LMBRD1: variants seen among roughly 807,000 people sequenced by gnomAD.
The protein encoded by LMBRD1 is lysosomal cobalamin transport escort protein LMBD1.
LMBRD1 carries 64 observed loss-of-function variants against 74.8 expected under a neutral mutation model. The observed-to-expected ratio is 0.86, with a 90% confidence interval of 0.70 to 1.05. LMBRD1 has a LOEUF of 1.05. Ranked by LOEUF, LMBRD1 falls within the 50% of genes least tolerant of loss-of-function variation. The pLI is 0.00. For missense variants in LMBRD1, 652 were observed against 645.9 expected (o/e 1.01, Z -0.10); for synonymous variants, 204 against 216.3 (o/e 0.94, Z 0.50).
rs1562121877 is a variant in LMBRD1, at chr6:69,775,024, AGGG to A, written c.307+5467_307+5469del. Among the ~76,000 whole-genome samples the A allele has an allele frequency of 1.1e-3, 119 of 107,868 alleles. 12 individuals carry two copies. The highest frequency in any genetic ancestry group is 1.5e-3 in the African/African-American group (46 of 30,204). The allele number at this position is 107,868 out of a possible 152,430, so 70.8% of individuals were successfully genotyped here. A position where few individuals can be genotyped will look rare whatever the true frequency, so the allele number is the denominator to read the frequency against. ...GAGGGAGGGAGGGAGGGAGGGAGGG[AGGG>A]AGGGAGGGAAGGAAGGAAAAGATGA... On this transcript the variant is annotated intron_variant, in intron 3 of 15. Transcript: ENST00000649934.
chr6:69,756,746 A>C (rs1443288185), intron 3 of LMBRD1, among the ~76,000 whole-genome samples: 1 of 152,224 alleles, frequency 6.6e-6, no homozygotes, highest in African/African-American at 2.4e-5. Context: ...CATTTGCCTA[A>C]GTGACCAGCT....
chr6:69,774,454 T>C (rs1765644207), intron 3 of LMBRD1, among the ~76,000 whole-genome samples: 1 of 152,198 alleles, frequency 6.6e-6, no homozygotes, highest in Admixed American at 6.5e-5. Context: ...AATTCCTGCT[T>C]AGGGTTTGGG....
At chr6:69,748,200 A>G (rs1000513789) in intron 5 of LMBRD1, among the ~76,000 whole-genome samples, 5 of 152,234 alleles carry the variant, frequency 3.3e-5, no homozygotes, top group African/African-American at 4.8e-5. Context: ...AAGACCATAC[A>G]GACAATAAAT....
chr6:69,730,994 C>T (rs909605592), intron 7 of LMBRD1, among the ~76,000 whole-genome samples: 13 of 152,082 alleles, frequency 8.5e-5, no homozygotes, highest in Non-Finnish European at 1.8e-4. Context: ...ATAGAACACA[C>T]AAGAAAAGCT....
intron 7 of LMBRD1, among the ~76,000 whole-genome samples, chr6:69,728,466 T>C (rs1264686115): frequency 6.6e-6 from 1 of 152,228 alleles, no homozygotes; most frequent in African/African-American, 2.4e-5. Context: ...TATGCAGGTA[T>C]GTTTCCCTGT....
rs1190963147 is a variant in LMBRD1 at position 69,713,787 on chromosome 6, C to A, written c.773G>T (p.Gly258Val). The A allele has an allele frequency of 1.2e-6, 2 of 1,613,490 alleles. No homozygotes were observed. The highest frequency in any genetic ancestry group is 2.2e-5 in the East Asian group (1 of 44,850). ...TTTATCCCTTGCTGGCAAAGGTCGA[C>A]CATCTTTGCTCTGCAAATAACAGAA... The part of the protein sequence containing the change: ...IQTIKSKSKD[G>V]RPLPARDKRA... The change falls in exon 9 of 16, where the codon GGT becomes GTT. Residue 258 changes from glycine (G) to valine (V), a missense_variant. Transcript: ENST00000649934.
At chr6:69,691,483 G>T (rs1183748397) in intron 14 of LMBRD1, among the ~76,000 whole-genome samples, 2 of 152,068 alleles carry the variant, frequency 1.3e-5, no homozygotes, top group African/African-American at 2.4e-5. Context: ...AAAATGAGGG[G>T]ATTCTTTAAC....
intron 3 of LMBRD1, among the ~76,000 whole-genome samples, chr6:69,758,333 T>C (rs566030636): frequency 3.5e-4 from 53 of 152,246 alleles, no homozygotes; most frequent in African/African-American, 1.2e-3. Flanking sequence ...TATAAAGATA[T>C]TCTGGGAATT....
chr6:69,786,425 A>T (rs1562126582), intron 2 of LMBRD1, among the ~76,000 whole-genome samples: 2 of 151,828 alleles, frequency 1.3e-5, no homozygotes, highest in African/African-American at 2.4e-5. Context: ...ATATTAACTA[A>T]TTTTTTTATT....
chr6:69,787,668 C>T (rs1243244787), intron 2 of LMBRD1, among the ~76,000 whole-genome samples: 1 of 152,010 alleles, frequency 6.6e-6, no homozygotes, highest in Non-Finnish European at 1.5e-5. Context: ...ATCGCTTGAA[C>T]CCAGGAGGCG....
At position 69,788,239 on chromosome 6, in the gene LMBRD1, A is replaced by G. The variant is rs147193291; in HGVS notation, c.246+2057T>C. Among the ~76,000 whole-genome samples, 726 of 152,262 alleles carry G rather than the reference A, an allele frequency of 4.8e-3. 8 individuals carry two copies. Among genetic ancestry groups the G allele is most frequent in the Middle Eastern group, 0.017 (5 of 294 alleles). ...AAATCTAAATAAATCAAACATGCTC[A>G]ATTCTAAACTAAAAAAATCTCCGAT... is the stretch of plus-strand genomic sequence containing the variant. On this transcript the variant is annotated intron_variant, in intron 2 of 15. Transcript: ENST00000649934.
At chr6:69,699,461 G>A (rs1269482335) in intron 12 of LMBRD1, among the ~76,000 whole-genome samples, 1 of 151,708 alleles carries the variant, frequency 6.6e-6, no homozygotes, top group African/African-American at 2.4e-5. Flanking sequence ...TCTATCTAAA[G>A]ATTAGAAGTA....
At chr6:69,702,209 CTT>C (rs1351180719) in intron 9 of LMBRD1, among the ~76,000 whole-genome samples, 1 of 151,792 alleles carries the variant, frequency 6.6e-6, no homozygotes, top group Non-Finnish European at 1.5e-5. Context: ...AAATGAAACT[CTT>C]TGTTAGACCA....
At chr6:69,749,219 T>A in intron 5 of LMBRD1, 122 bp downstream of exon 5, 6 of 755,514 alleles carry the variant, frequency 7.9e-6, no homozygotes, top group Middle Eastern at 3.8e-4. Flanking sequence ...ATTTAGAGAG[T>A]GGATTGTTCT....
chr6:69,766,532 T>C (rs117410856), intron 3 of LMBRD1, among the ~76,000 whole-genome samples: 6,461 of 152,024 alleles, frequency 0.042, 201 homozygotes, highest in Non-Finnish European at 0.061. Context: ...TCTTTTTATA[T>C]GACACTGGAT....
intron 3 of LMBRD1, among the ~76,000 whole-genome samples, chr6:69,762,964 G>A (rs1021001708): frequency 2.0e-5 from 3 of 152,148 alleles, no homozygotes; most frequent in African/African-American, 7.2e-5. Context: ...AGCCCAAACT[G>A]ACTATAAGAC....
At chr6:69,791,861 G>A (rs1388854701) in intron 1 of LMBRD1, among the ~76,000 whole-genome samples, 1 of 152,140 alleles carries the variant, frequency 6.6e-6, no homozygotes, top group Non-Finnish European at 1.5e-5. Context: ...ATGACTAGAG[G>A]CTAAGGGCTA....
intron 7 of LMBRD1, among the ~76,000 whole-genome samples, chr6:69,723,434 T>C (rs991162531): frequency 6.6e-6 from 1 of 152,100 alleles, no homozygotes; most frequent in African/African-American, 2.4e-5. Flanking sequence ...AAACAAATCT[T>C]AACACATTCA....
At chr6:69,683,968 C>T (rs1765713493) in intron 14 of LMBRD1, among the ~76,000 whole-genome samples, 1 of 152,068 alleles carries the variant, frequency 6.6e-6, no homozygotes, top group South Asian at 2.1e-4. Flanking sequence ...AGCAATGACA[C>T]TTCCCAGTTC....
Sources: gnomAD v4.1 joint callset for allele counts (sites outside exome capture counted in the v4.1 genomes callset) on GRCh38, gnomAD v4.1.1 for gene constraint, MANE v1.5 for transcripts, NCBI Gene and HGNC (gene_info 2026-07-23, HGNC 2026-07-21) for gene names.